The following EPB41L4B variants were observed in gnomAD, a reference collection of about 807,000 sequenced individuals.
EPB41L4B encodes erythrocyte membrane protein band 4.1 like 4B.
EPB41L4B carries 30 observed loss-of-function variants against 112.5 expected under a neutral mutation model. That is an observed-to-expected ratio of 0.27 (90% CI 0.20 to 0.36). The LOEUF is 0.36. Ranked by LOEUF, EPB41L4B falls within the 10% of genes least tolerant of loss-of-function variation. The pLI is 1.00. For synonymous variants in EPB41L4B, 408 were observed against 439.7 expected, an observed-to-expected ratio of 0.93 and a Z score of 0.90; for missense variants, 1,024 against 1,133.3, an observed-to-expected ratio of 0.90 and a Z score of 1.38.
intron 24 of EPB41L4B, among the ~76,000 whole-genome samples, chr9:109,180,573 T>G (rs942925607): frequency 3.3e-5 from 5 of 152,120 alleles, no homozygotes; most frequent in African/African-American, 1.2e-4. Context: ...AACCTGTTTT[T>G]CCCTCCGCCT....
At chr9:109,194,495 T>C (rs1832575867) in intron 20 of EPB41L4B, 98 bp from the exon 21 acceptor site, 1 of 1,294,536 alleles carries the variant, frequency 7.7e-7, no homozygotes, top group South Asian at 1.5e-5. Flanking sequence ...AGACCAGGGA[T>C]GGGGATTGGG....
intron 13 of EPB41L4B, 119 bp downstream of exon 13, chr9:109,251,362 G>GA (rs1196144294): frequency 1.0e-6 from 1 of 981,842 alleles, no homozygotes; most frequent in Non-Finnish European, 1.6e-6. Flanking sequence ...AGAAAAAGGG[G>GA]AAAAAAATTA....
chr9:109,226,948 CTT>C (rs1273418629), intron 15 of EPB41L4B, among the ~76,000 whole-genome samples: 2 of 151,620 alleles, frequency 1.3e-5, no homozygotes, highest in Non-Finnish European at 2.9e-5. Flanking sequence ...AAGCAATCTT[CTT>C]CTCTCAGCCT....
intron 1 of EPB41L4B, among the ~76,000 whole-genome samples, chr9:109,290,447 T>G (rs1564323700): frequency 6.6e-6 from 1 of 152,116 alleles, no homozygotes; most frequent in Non-Finnish European, 1.5e-5. Flanking sequence ...GTTAGTCTGG[T>G]TTGGGGACTT....
At chr9:109,205,299 C>T (rs1442336696) in intron 18 of EPB41L4B, among the ~76,000 whole-genome samples, 1 of 152,178 alleles carries the variant, frequency 6.6e-6, no homozygotes, top group Non-Finnish European at 1.5e-5. Flanking sequence ...GTCCTTTTGG[C>T]TAGGAAATGT....
At chr9:109,276,461 G>A (rs933505160) in intron 2 of EPB41L4B, among the ~76,000 whole-genome samples, 1 of 152,182 alleles carries the variant, frequency 6.6e-6, no homozygotes, top group Admixed American at 6.5e-5. Context: ...AGAAAGCAAA[G>A]ATGGGAATGA....
chr9:109,244,039 G>A (rs1267712784), intron 14 of EPB41L4B, among the ~76,000 whole-genome samples: 2 of 152,186 alleles, frequency 1.3e-5, no homozygotes, highest in East Asian at 3.9e-4. Flanking sequence ...TCAGAGAGAT[G>A]GGGAGAGTGG....
chr9:109,304,766 G>A (rs1837105681), intron 1 of EPB41L4B, among the ~76,000 whole-genome samples: 2 of 152,160 alleles, frequency 1.3e-5, no homozygotes, highest in Admixed American at 1.3e-4. Context: ...ACATAATGCT[G>A]AGTGAAAGAA....
At chr9:109,267,970 A>G (rs1249152437) in intron 3 of EPB41L4B, among the ~76,000 whole-genome samples, 1 of 152,238 alleles carries the variant, frequency 6.6e-6, no homozygotes, top group Admixed American at 6.5e-5. Flanking sequence ...AAAATTACCC[A>G]AGCATAAACA....
chr9:109,260,510 G>A (rs1835162012), intron 6 of EPB41L4B, among the ~76,000 whole-genome samples: 1 of 150,388 alleles, frequency 6.6e-6, no homozygotes, highest in Non-Finnish European at 1.5e-5. Context: ...CGCCTCCCGG[G>A]TTCAAGCAAT....
chr9:109,175,590 C>T (rs1831796502), intron 25 of EPB41L4B, among the ~76,000 whole-genome samples: 1 of 151,188 alleles, frequency 6.6e-6, no homozygotes, highest in African/African-American at 2.4e-5. Context: ...ACTTGAACTC[C>T]TGAACTCCTG....
At position 109,185,537 on chromosome 9, in the gene EPB41L4B, C is replaced by G. The variant is rs1832225195; in HGVS notation, c.2370G>C (p.Lys790Asn). The change falls in exon 23 of 26, where the codon AAG (lysine) becomes AAC (asparagine). Residue 790 changes from lysine to asparagine, a missense_variant. Lys to Asn is a moderately conservative substitution (Grantham distance 94). Transcript: ENST00000374566. ...RCSPPLSLPMKEETTGVCMYP... is the reference protein window; with the variant it reads ...RCSPPLSLPMNEETTGVCMYP... Reference sequence around the variant, plus strand: ...ACATGCAAACTCCAGTGGTCTCTTCCTTCATGGGGAGAGAGAGTGGAGGAG... The same window carrying G: ...ACATGCAAACTCCAGTGGTCTCTTCGTTCATGGGGAGAGAGAGTGGAGGAG... The G allele has an allele frequency of 6.2e-6, 10 of 1,613,286 alleles. No individual in the cohort carries two copies. The highest frequency in any genetic ancestry group is 8.5e-6 in the Non-Finnish European group (10 of 1,179,596).
At chr9:109,176,395 G>A (rs147200922) in intron 25 of EPB41L4B, among the ~76,000 whole-genome samples, 156 bp downstream of exon 25, 3,291 of 152,168 alleles carry the variant, frequency 0.022, 117 homozygotes, top group African/African-American at 0.073. Flanking sequence ...GAGAGCCACC[G>A]CACCTGGCCC....
At chr9:109,217,792 C>CA (rs1833428697) in intron 15 of EPB41L4B, among the ~76,000 whole-genome samples, 1 of 152,144 alleles carries the variant, frequency 6.6e-6, no homozygotes, top group South Asian at 2.1e-4. Flanking sequence ...GGGCTGGTCT[C>CA]AAACTCCTGG....
At chr9:109,298,283 A>G (rs925768438) in intron 1 of EPB41L4B, among the ~76,000 whole-genome samples, 7 of 150,776 alleles carry the variant, frequency 4.6e-5, no homozygotes, top group African/African-American at 1.7e-4. Context: ...TTACCCATTC[A>G]CTAAGAAGAA....
Position 109,281,705 on chromosome 9 carries a change from TAAA to T in EPB41L4B, c.307-1787_307-1785del, listed in dbSNP as rs1564317080. Among the ~76,000 whole-genome samples the T allele has an allele frequency of 2.7e-3, 326 of 121,980 alleles. 3 individuals are homozygous for T. The highest frequency in any genetic ancestry group is 8.7e-3 in the African/African-American group (263 of 30,308). The allele number at this position is 121,980 out of a possible 152,430, so 80.0% of individuals were successfully genotyped here. A position where few individuals can be genotyped will look rare whatever the true frequency, so the allele number is the denominator to read the frequency against. ...TCTCATAAATAAATAAATAAATAAA[TAAA>T]TAAATAAATAAATAAATTAATTAAT... is the stretch of plus-strand genomic sequence containing the variant. On this transcript the variant is annotated intron_variant, in intron 1 of 25. Coordinates refer to ENST00000374566, the MANE Select transcript of EPB41L4B (RefSeq NM_019114.5).
At chr9:109,192,439 C>CTGGG in intron 21 of EPB41L4B, 84 bp from the exon 22 acceptor site, 6 of 985,598 alleles carry the variant, frequency 6.1e-6, no homozygotes, top group Non-Finnish European at 9.2e-6. Context: ...CAGAGGTTCC[C>CTGGG]AGCCTCTCCT....
intron 14 of EPB41L4B, among the ~76,000 whole-genome samples, chr9:109,247,151 C>T (rs1588168318): frequency 6.6e-6 from 1 of 151,642 alleles, no homozygotes; most frequent in South Asian, 2.1e-4. Context: ...CAGATGTACA[C>T]CACCGTGCCA....
At chr9:109,251,260 A>T (rs1834777687) in intron 13 of EPB41L4B, among the ~76,000 whole-genome samples, 1 of 152,240 alleles carries the variant, frequency 6.6e-6, no homozygotes, top group African/African-American at 2.4e-5. Flanking sequence ...CTACTCAAAC[A>T]AAGCAGCTGT....
Sources: allele counts gnomAD v4.1 joint callset (sites outside exome capture counted in the v4.1 genomes callset), GRCh38; gene constraint gnomAD v4.1.1; transcripts MANE v1.5; gene names NCBI Gene and HGNC (gene_info 2026-07-23, HGNC 2026-07-21).